SGK3: variants seen among roughly 807,000 people sequenced by gnomAD.
SGK3 encodes serine/threonine-protein kinase Sgk3.
Under a neutral mutation model 68.5 loss-of-function variants are expected in SGK3, and 47 were observed. The observed-to-expected ratio is 0.69, with a 90% CI of 0.54 to 0.87. SGK3 has a LOEUF of 0.87. Ranked by LOEUF, SGK3 falls within the 40% of genes least tolerant of loss-of-function variation. The probability of loss-of-function intolerance (pLI) is 0.00; values close to 1 mark genes in which losing one functional copy is unlikely to be tolerated. For synonymous variants in SGK3, 181 were observed against 189.1 expected (o/e 0.96, Z 0.35); for missense variants, 479 against 575.5 (o/e 0.83, Z 1.72).
chr8:66,848,290 A>G (rs906960988), intron 15 of SGK3, among the ~76,000 whole-genome samples: 1 of 152,158 alleles, frequency 6.6e-6, no homozygotes, highest in African/African-American at 2.4e-5. Flanking sequence ...GAACAGTGCT[A>G]AAGAAGGTAA....
At position 66,837,065 on chromosome 8, in the gene SGK3, A is replaced by G. The variant is rs191671730; in HGVS notation, c.741+991A>G. ...TATCCATCACTCTGGCTCTTTGTACATATAATTTTACCTTCACAACAATCT... is the reference window on the plus strand; with the variant it reads ...TATCCATCACTCTGGCTCTTTGTACGTATAATTTTACCTTCACAACAATCT... On this transcript the variant is annotated intron_variant, in intron 10 of 16. Coordinates refer to ENST00000521198, the MANE Select transcript of SGK3 (RefSeq NM_001033578.3). Among the ~76,000 whole-genome samples the G allele has an allele frequency of 7.2e-5, 11 of 152,266 alleles. No individual in the cohort carries two copies. The East Asian group carries it at 1.7e-3, about 24-fold the overall frequency.
chr8:66,797,843 C>A (rs982898879), intron 2 of SGK3, among the ~76,000 whole-genome samples: 1 of 152,118 alleles, frequency 6.6e-6, no homozygotes, highest in African/African-American at 2.4e-5. Flanking sequence ...CAAAAAAAAT[C>A]TGAAGCAAGA....
At chr8:66,762,441 AG>A in intron 1 of SGK3, among the ~76,000 whole-genome samples, 1 of 152,120 alleles carries the variant, frequency 6.6e-6, no homozygotes, top group East Asian at 1.9e-4. Context: ...TGCTTGAACC[AG>A]GGAGTTGGAG....
chr8:66,728,953 C>T (rs1805057859), intron 1 of SGK3, among the ~76,000 whole-genome samples: 1 of 151,750 alleles, frequency 6.6e-6, no homozygotes, highest in Non-Finnish European at 1.5e-5. Context: ...GCACGGGTGG[C>T]TCATGCCTGT....
At chr8:66,800,711 T>A (rs186976272) in intron 3 of SGK3, among the ~76,000 whole-genome samples, 1 of 152,210 alleles carries the variant, frequency 6.6e-6, no homozygotes. Flanking sequence ...TTCCTAATAT[T>A]CAAATCACTT....
At chr8:66,837,607 C>T (rs1355155714) in intron 10 of SGK3, among the ~76,000 whole-genome samples, 1 of 152,010 alleles carries the variant, frequency 6.6e-6, no homozygotes. Context: ...ATGGCGAAAC[C>T]CCATCTCTAC....
chr8:66,847,402 A>C, intron 15 of SGK3, 54 bp downstream of exon 15: 1 of 1,595,070 alleles, frequency 6.3e-7, no homozygotes, highest in Non-Finnish European at 8.5e-7. Flanking sequence ...TAAAATTTGG[A>C]AATAAAGCTT....
rs777658022 is a variant in SGK3, at chr8:66,859,553, C to T, written c.1463C>T (p.Ala488Val). Residue 488 changes from alanine to valine, a missense_variant, in exon 17 of 17, where the codon GCA becomes GTA. Around this residue, in one of 3 missense-constraint regions of SGK3, gnomAD observed 173 missense variants for 214.3 expected, o/e 0.81. Coordinates refer to ENST00000521198, the MANE Select transcript of SGK3 (RefSeq NM_001033578.3). ...ADDAFVGFSY[A>V]PPSEDLFL The stretch of plus-strand genomic sequence containing the variant: ...GATGCATTCGTTGGTTTCTCTTATG[C>T]ACCTCCTTCAGAAGACTTATTTTTG... 6.2e-7 allele frequency: 1 copy of T among 1,611,896 alleles called. No homozygotes were observed. Among genetic ancestry groups the T allele is most frequent in the Non-Finnish European group, 8.5e-7 (1 of 1,178,610 alleles).
At chr8:66,820,569 T>C (rs1181985400) in intron 5 of SGK3, among the ~76,000 whole-genome samples, 1 of 152,238 alleles carries the variant, frequency 6.6e-6, no homozygotes, top group Non-Finnish European at 1.5e-5. Context: ...GGTCTTTGCC[T>C]AGGTTTGGAA....
intron 12 of SGK3, 65 bp downstream of exon 12, chr8:66,840,312 A>G: frequency 1.4e-6 from 2 of 1,408,676 alleles, no homozygotes; most frequent in African/African-American, 2.9e-5. Context: ...TGCTTAGTGC[A>G]AAAAAAGTCT....
At chr8:66,738,445 A>G (rs1805386581) in intron 1 of SGK3, among the ~76,000 whole-genome samples, 2 of 152,126 alleles carry the variant, frequency 1.3e-5, no homozygotes, top group Non-Finnish European at 2.9e-5. Flanking sequence ...ATCAAGTCCA[A>G]GGTCCTTAGC....
chr8:66,788,513 A>T (rs1007832130), intron 1 of SGK3, among the ~76,000 whole-genome samples: 44 of 152,060 alleles, frequency 2.9e-4, no homozygotes, highest in African/African-American at 1.0e-3. Flanking sequence ...TTCCAGTACT[A>T]CTGGGTGTGC....
chr8:66,825,370 C>G (rs1185358966), intron 6 of SGK3, among the ~76,000 whole-genome samples: 6 of 150,794 alleles, frequency 4.0e-5, no homozygotes, highest in African/African-American at 1.5e-4. Context: ...GCTCCGTCGC[C>G]CAGGCTGGAG....
chr8:66,778,728 C>T (rs74808403), intron 1 of SGK3, among the ~76,000 whole-genome samples: 3,239 of 152,154 alleles, frequency 0.021, 71 homozygotes, highest in South Asian at 0.045. Context: ...AAGTCAGTAC[C>T]AAGTAAAAAG....
intron 6 of SGK3, among the ~76,000 whole-genome samples, chr8:66,824,715 TTAG>T (rs1808981717): frequency 6.6e-6 from 1 of 152,228 alleles, no homozygotes; most frequent in African/African-American, 2.4e-5. Flanking sequence ...GACCAGTCAC[TTAG>T]TGTTTGTCCA....
chr8:66,773,218 G>A (rs1158163822), intron 1 of SGK3, among the ~76,000 whole-genome samples: 1 of 152,192 alleles, frequency 6.6e-6, no homozygotes, highest in Non-Finnish European at 1.5e-5. Flanking sequence ...GGTGGGAAAT[G>A]TAGGTTAGGA....
chr8:66,850,994 A>G lies in SGK3; in HGVS notation c.1320+74A>G, dbSNP rs545831787. 17 of 1,428,602 alleles carry G rather than the reference A, an allele frequency of 1.2e-5. No homozygotes were observed. The East Asian group carries it at 3.9e-4, about 33-fold the overall frequency. 88.5% of individuals were successfully genotyped at this position (1,428,602 alleles called of 1,614,324 possible). A position where few individuals can be genotyped will look rare whatever the true frequency, so the allele number is the denominator to read the frequency against. ...CAGTTCATTGTAAGTTTGAAACTAG[A>G]TCTCAGAATCACCTGAATTAAATGG... On this transcript the variant is annotated intron_variant, in intron 16 of 16. Transcript: ENST00000521198.
Position 66,755,833 on chromosome 8 carries a change from T to C in SGK3, c.-121-37783T>C, listed in dbSNP as rs1164877158. Among the ~76,000 whole-genome samples the C allele has an allele frequency of 2.0e-5, 3 of 152,180 alleles. No homozygotes were observed. In the East Asian group the frequency reaches 5.8e-4, roughly 29 times the overall value. On this transcript the variant is annotated intron_variant, in intron 1 of 16. Transcript: ENST00000521198. The stretch of plus-strand genomic sequence containing the variant: ...ATGATATGTATTAACAGGGTAAGTG[T>C]AGGCTCCTATGTGAGTATAACAGGG...
At chr8:66,829,058 AAAAG>A (rs1809190105) in intron 7 of SGK3, among the ~76,000 whole-genome samples, 1 of 151,904 alleles carries the variant, frequency 6.6e-6, no homozygotes, top group Non-Finnish European at 1.5e-5. Context: ...TCCTCTGAAA[AAAAG>A]CACCCTTGCA....
Sources: allele counts gnomAD v4.1 joint callset (sites outside exome capture counted in the v4.1 genomes callset), GRCh38; gene constraint gnomAD v4.1.1; regional missense constraint gnomAD v4.1.1; transcripts MANE v1.5; gene names NCBI Gene and HGNC (gene_info 2026-07-23, HGNC 2026-07-21).